Variants in NTN4 observed in about 807,000 individuals in gnomAD.
The protein encoded by NTN4 is netrin-4.
NTN4 carries 32 observed loss-of-function variants against 73.6 expected under a neutral mutation model. That is an observed-to-expected ratio of 0.44 (90% CI 0.33 to 0.58). NTN4 has a LOEUF of 0.58. Among genes scored for constraint, NTN4 ranks in the 20% least tolerant of loss-of-function variants. The pLI, the probability that NTN4 is intolerant of heterozygous loss-of-function variation, is 0.04. For missense variants in NTN4, 654 were observed against 798.3 expected (o/e 0.82, Z 2.18); for synonymous variants, 258 against 287.5 (o/e 0.90, Z 1.04).
intron 2 of NTN4, among the ~76,000 whole-genome samples, chr12:95,749,830 CCTT>C (rs2078890631): frequency 6.6e-6 from 1 of 151,132 alleles, no homozygotes; most frequent in Non-Finnish European, 1.5e-5. Flanking sequence ...CCCCTCAACT[CCTT>C]CTCCTTCACC....
chr12:95,725,614 C>T (rs1307034732), intron 3 of NTN4, among the ~76,000 whole-genome samples: 1 of 152,104 alleles, frequency 6.6e-6, no homozygotes, highest in African/African-American at 2.4e-5. Context: ...CAGGGTATTA[C>T]AAAAGTTGAC....
intron 2 of NTN4, among the ~76,000 whole-genome samples, chr12:95,770,286 C>A (rs2079048449): frequency 6.6e-6 from 1 of 152,194 alleles, no homozygotes; most frequent in African/African-American, 2.4e-5. Context: ...TCACTACACT[C>A]CCCTCCTTCA....
At chr12:95,742,397 T>C (rs2078833397) in intron 2 of NTN4, among the ~76,000 whole-genome samples, 1 of 151,848 alleles carries the variant, frequency 6.6e-6, no homozygotes, top group African/African-American at 2.4e-5. Flanking sequence ...ATATGTCTTA[T>C]TTATGCTTTG....
At chr12:95,749,015 G>A (rs937684581) in intron 2 of NTN4, among the ~76,000 whole-genome samples, 2 of 152,066 alleles carry the variant, frequency 1.3e-5, no homozygotes, top group East Asian at 3.9e-4. Flanking sequence ...ATTTGTTCCT[G>A]CCCCACCATT....
chr12:95,722,336 C>T (rs1592685376), intron 3 of NTN4, among the ~76,000 whole-genome samples: 1 of 152,138 alleles, frequency 6.6e-6, no homozygotes, highest in Admixed American at 6.5e-5. Flanking sequence ...ATAACATAAC[C>T]TCACTTAGGC....
chr12:95,769,629 G>T (rs4558233), intron 2 of NTN4, among the ~76,000 whole-genome samples: 1 of 151,378 alleles, frequency 6.6e-6, no homozygotes, highest in African/African-American at 2.4e-5. Flanking sequence ...ACAGGTTGGC[G>T]TTTGCCTTAT....
chr12:95,769,473 G>A (rs149366776), intron 2 of NTN4, among the ~76,000 whole-genome samples: 2 of 151,548 alleles, frequency 1.3e-5, no homozygotes, highest in Non-Finnish European at 2.9e-5. Flanking sequence ...TGAACGACTC[G>A]CGAGTTGGGC....
At chr12:95,673,944 C>G (rs1448370659) in intron 7 of NTN4, 1 of 152,162 alleles carries the variant, frequency 6.6e-6, no homozygotes, top group East Asian at 1.9e-4. Flanking sequence ...CATCACTGTA[C>G]TAAATCCTTT....
chr12:95,737,419 T>C (rs1488260143), intron 3 of NTN4, among the ~76,000 whole-genome samples: 2 of 152,266 alleles, frequency 1.3e-5, no homozygotes, highest in East Asian at 3.9e-4. Flanking sequence ...GTCAGTCCTC[T>C]TCATGGAGGA....
intron 5 of NTN4, among the ~76,000 whole-genome samples, chr12:95,692,074 C>T (rs2468367): frequency 0.65 from 98,494 of 152,020 alleles, 32,194 homozygotes; most frequent in Admixed American, 0.69. Flanking sequence ...TCGCTCTTGT[C>T]GCCCAGGTTG....
chr12:95,766,900 A>G (rs1030279816), intron 2 of NTN4, among the ~76,000 whole-genome samples: 2 of 140,624 alleles, frequency 1.4e-5, no homozygotes, highest in South Asian at 2.4e-4. Context: ...TGAATGGCTG[A>G]TAAGTCCACC....
rs551248964 is a variant in NTN4 at position 95,706,088 on chromosome 12, C to T, written c.1180+4353G>A. On this transcript the variant is annotated intron_variant, in intron 5 of 9. Transcript: ENST00000343702. ...AGTTTGGGAACCAAAACCTATAGAACTTGTTTTGCACAAGTCTCTAGATGA... is the reference window on the plus strand; with the variant it reads ...AGTTTGGGAACCAAAACCTATAGAATTTGTTTTGCACAAGTCTCTAGATGA... 3.3e-5 allele frequency among the ~76,000 whole-genome samples: 5 copies of T among 152,284 alleles called. No homozygotes were observed. The East Asian group carries it at 5.8e-4, about 18-fold the overall frequency.
intron 2 of NTN4, among the ~76,000 whole-genome samples, chr12:95,757,707 G>A (rs1212756679): frequency 4.0e-5 from 6 of 150,090 alleles, no homozygotes; most frequent in African/African-American, 1.5e-4. Flanking sequence ...AAAAAGATCC[G>A]TGAGCAATAT....
intron 9 of NTN4, among the ~76,000 whole-genome samples, chr12:95,662,451 G>C (rs1051957723): frequency 6.6e-6 from 1 of 151,708 alleles, no homozygotes; most frequent in East Asian, 1.9e-4. Context: ...GGCTGCCCTC[G>C]AACTCCTAGG....
At chr12:95,702,298 C>T (rs190894829) in intron 5 of NTN4, among the ~76,000 whole-genome samples, 23 of 100,252 alleles carry the variant, frequency 2.3e-4, no homozygotes, top group Non-Finnish European at 4.8e-4. Context: ...AAAAAAAAAA[C>T]AAAAAAAAAG....
rs1385464811 is a variant in NTN4, at chr12:95,659,054, A to G, written c.*32T>C. ...TCTAAAGTTTGTGTTTTGTACATAG[A>G]CAAGTGCCATTATGTGCTATCCATC... On this transcript the variant is annotated 3_prime_UTR_variant, in exon 10 of 10. Coordinates refer to ENST00000343702, the MANE Select transcript of NTN4 (RefSeq NM_021229.4). 6.3e-7 allele frequency: 1 copy of G among 1,582,954 alleles called. No homozygotes were observed. The highest frequency in any genetic ancestry group is 1.4e-5 in the African/African-American group (1 of 73,514).
chr12:95,784,450 C>T (rs933860792), intron 2 of NTN4, among the ~76,000 whole-genome samples: 3 of 152,206 alleles, frequency 2.0e-5, no homozygotes, highest in African/African-American at 7.2e-5. Context: ...CTAGGTCACA[C>T]TTGATGCTTT....
At position 95,790,289 on chromosome 12, in the gene NTN4, C is replaced by T. The variant is rs1043920727; in HGVS notation, c.21G>A (p.Leu7=). The change falls in exon 1 of 10, where the codon CTG becomes CTA. Residue 7 remains leucine (L), a synonymous_variant. Transcript: ENST00000343702. This position sits in a 1 kb window ranked among gnomAD's most constrained non-coding sequence, Gnocchi z 6.5. MGSCAR[L]LLLWGCTVVA... ...CCACCGTGCAGCCCCAGAGCAGCAG[C>T]AGCCGCGCGCAGCTCCCCATGGCCG... 1 of 1,533,598 alleles carries T rather than the reference C, an allele frequency of 6.5e-7. No homozygotes were observed. Among genetic ancestry groups the T allele is most frequent in the Non-Finnish European group, 8.8e-7 (1 of 1,140,574 alleles). 95.0% of individuals were successfully genotyped at this position (1,533,598 alleles called of 1,614,324 possible). A position where few individuals can be genotyped will look rare whatever the true frequency, so the allele number is the denominator to read the frequency against.
chr12:95,670,328 T>C lies in NTN4; in HGVS notation c.1511-182A>G, dbSNP rs148969451. 6.4e-4 allele frequency among the ~76,000 whole-genome samples: 98 copies of C among 152,336 alleles called. 1 individual carries two copies. Among genetic ancestry groups the C allele is most frequent in the African/African-American group, 2.3e-3 (97 of 41,586 alleles). On this transcript the variant is annotated intron_variant, in intron 7 of 9. Transcript: ENST00000343702. Reference sequence around the variant, plus strand: ...AAAGAAGTAGAGTCTCTTTCTAAATTAGTTATCTTCCAATAAAGTATTCAT... The same window carrying C: ...AAAGAAGTAGAGTCTCTTTCTAAATCAGTTATCTTCCAATAAAGTATTCAT...
Sources: allele counts gnomAD v4.1 joint callset (sites outside exome capture counted in the v4.1 genomes callset), GRCh38; gene constraint gnomAD v4.1.1; non-coding constraint Gnocchi (gnomAD v3.1); transcripts MANE v1.5; gene names NCBI Gene and HGNC (gene_info 2026-07-23, HGNC 2026-07-21).